The following CIMIP3 variants were observed in gnomAD, a reference collection of about 807,000 sequenced individuals.
CIMIP3 encodes GUCA1A neighbor.
the CIMIP3 span, among the ~76,000 whole-genome samples, chr6:42,158,699 G>A: frequency 6.6e-6 from 1 of 152,212 alleles, no homozygotes; most frequent in South Asian, 2.1e-4. Context: ...CTGAAAAATG[G>A]AGGCAATGTC....
the CIMIP3 span, among the ~76,000 whole-genome samples, chr6:42,156,871 G>A: frequency 1.2e-4 from 18 of 152,308 alleles, no homozygotes; most frequent in South Asian, 2.9e-3. Context: ...ACAGCACCAC[G>A]TGCCCCTGGG....
At chr6:42,162,041 A>G in the CIMIP3 span, among the ~76,000 whole-genome samples, 5 of 149,050 alleles carry the variant, frequency 3.4e-5, no homozygotes, top group East Asian at 8.2e-4. Flanking sequence ...TGTGGCTGAA[A>G]TGCTGGGTAG....
At chr6:42,156,607 A>G in the CIMIP3 span, among the ~76,000 whole-genome samples, 1 of 152,226 alleles carries the variant, frequency 6.6e-6, no homozygotes, top group Non-Finnish European at 1.5e-5. Context: ...TCAGACAGGT[A>G]TGTGTGTGAA....
At chr6:42,156,025 G>A in the CIMIP3 span, among the ~76,000 whole-genome samples, 43 of 151,918 alleles carry the variant, frequency 2.8e-4, no homozygotes, top group African/African-American at 9.4e-4. Context: ...TTTGAGACTC[G>A]CTTTGTTGCC....
chr6:42,160,472 G>T, the CIMIP3 span, among the ~76,000 whole-genome samples: 2 of 152,218 alleles, frequency 1.3e-5, no homozygotes, highest in South Asian at 4.1e-4. Context: ...TGCATAGAAC[G>T]CAGTCCTGAC....
chr6:42,160,624 C>T, the CIMIP3 span, among the ~76,000 whole-genome samples: 1 of 152,204 alleles, frequency 6.6e-6, no homozygotes, highest in Non-Finnish European at 1.5e-5. Context: ...GCCTGACTCA[C>T]CTTAGTCCCT....
At chr6:42,163,008 C>T in the CIMIP3 span, 4 of 716,844 alleles carry the variant, frequency 5.6e-6, no homozygotes, top group South Asian at 3.0e-5. Context: ...CGGCCCCGGG[C>T]GTGGAAGCAG....
chr6:42,161,226 A>G, the CIMIP3 span, among the ~76,000 whole-genome samples: 1 of 152,088 alleles, frequency 6.6e-6, no homozygotes, highest in African/African-American at 2.4e-5. Flanking sequence ...GAGGAAATAC[A>G]TCATGATTTG....
the CIMIP3 span, among the ~76,000 whole-genome samples, chr6:42,156,296 ATTTTTTTTTCTTTTTTT>A: frequency 7.2e-6 from 1 of 139,602 alleles, no homozygotes; most frequent in African/African-American, 2.7e-5. Flanking sequence ...GTGCTCAGCC[ATTTTTTTTTCTTTTTTT>A]TTTTTTTTTA....
the CIMIP3 span, among the ~76,000 whole-genome samples, chr6:42,161,782 A>G: frequency 6.6e-6 from 1 of 152,184 alleles, no homozygotes; most frequent in African/African-American, 2.4e-5. Flanking sequence ...ATTCAGTTCA[A>G]TTGATCCAGC....
chr6:42,157,989 G>T, the CIMIP3 span, among the ~76,000 whole-genome samples: 6 of 152,194 alleles, frequency 3.9e-5, no homozygotes, highest in African/African-American at 1.4e-4. Context: ...TCTCCTACCC[G>T]CTGGAAGGCA....
At chr6:42,162,793 G>C in the CIMIP3 span, 1 of 513,414 alleles carries the variant, frequency 1.9e-6, no homozygotes, top group Non-Finnish European at 3.5e-6. Flanking sequence ...GGTCAGCACA[G>C]CAGTGCTCCA....
chr6:42,162,366 G>C, the CIMIP3 span, among the ~76,000 whole-genome samples: 1 of 151,320 alleles, frequency 6.6e-6, no homozygotes, highest in Non-Finnish European at 1.5e-5. Context: ...AGTGAGCCGA[G>C]ATCGTGCCAT....
At chr6:42,161,788 C>G in the CIMIP3 span, among the ~76,000 whole-genome samples, 2 of 152,196 alleles carry the variant, frequency 1.3e-5, no homozygotes, top group South Asian at 4.1e-4. Context: ...TTCAATTGAT[C>G]CAGCATTTAT....
the CIMIP3 span, chr6:42,162,892 A>C: frequency 1.5e-5 from 9 of 606,558 alleles, no homozygotes; most frequent in East Asian, 1.2e-4. Context: ...CCAATGCCTC[A>C]GCTCTCCCCT....
the CIMIP3 span, among the ~76,000 whole-genome samples, chr6:42,162,176 G>T: frequency 4.3e-4 from 64 of 148,962 alleles, 1 homozygote; most frequent in African/African-American, 1.6e-3. Flanking sequence ...CACTTTGGGA[G>T]GCCGAGGCGG....
the CIMIP3 span, chr6:42,163,382 T>G: frequency 2.4e-6 from 1 of 413,392 alleles, no homozygotes; most frequent in Non-Finnish European, 4.3e-6. Context: ...GCCCACCTAT[T>G]GACAATGATA....
chr6:42,158,235 G>T, the CIMIP3 span, among the ~76,000 whole-genome samples: 11 of 152,234 alleles, frequency 7.2e-5, no homozygotes, highest in African/African-American at 2.7e-4. Context: ...GCCAGAGCTG[G>T]CTCTGCTAGG....
At chr6:42,156,666 G>A in the CIMIP3 span, among the ~76,000 whole-genome samples, 1 of 152,224 alleles carries the variant, frequency 6.6e-6, no homozygotes, top group Non-Finnish European at 1.5e-5. Flanking sequence ...TATTTGCACT[G>A]TGCCTTTACC....
Sources: gnomAD v4.1 joint callset for allele counts (sites outside exome capture counted in the v4.1 genomes callset) on GRCh38, gnomAD v4.1.1 for gene constraint, MANE v1.5 for transcripts, NCBI Gene and HGNC (gene_info 2026-07-23, HGNC 2026-07-21) for gene names.